SCAMP1: variants seen among roughly 807,000 people sequenced by gnomAD.
SCAMP1 encodes secretory carrier membrane protein 1.
Under a neutral mutation model 41.8 loss-of-function variants are expected in SCAMP1, and 15 were observed. The ratio of observed to expected loss-of-function variants is 0.36; its 90% CI spans 0.24 to 0.55. The LOEUF (loss-of-function observed/expected upper bound fraction) is 0.55, where lower values mean the gene tolerates loss of function less well. SCAMP1 is among the 20% of genes least tolerant of loss of function. The pLI, the probability that SCAMP1 is intolerant of heterozygous loss-of-function variation, is 0.86. For missense variants in SCAMP1, 341 were observed against 412.6 expected (o/e 0.83, Z 1.50); for synonymous variants, 135 against 136.8 (o/e 0.99, Z 0.09).
At position 78,367,246 on chromosome 5, in the gene SCAMP1, C is replaced by G. The variant is rs562908520; in HGVS notation, c.57+6518C>G. 3.3e-5 allele frequency among the ~76,000 whole-genome samples: 5 copies of G among 152,332 alleles called. No individual in the cohort carries two copies. The South Asian group carries it at 6.2e-4, about 19-fold the overall frequency. ...ACCATTATCTTATTTACCACTGTCT[C>G]ACTTATCTGTTGCTATGTAACAATC... On this transcript the variant is annotated intron_variant, in intron 1 of 8. Transcript: ENST00000621999.
chr5:78,391,370 C>A (rs571847578), intron 2 of SCAMP1, among the ~76,000 whole-genome samples: 15 of 151,154 alleles, frequency 9.9e-5, no homozygotes, highest in African/African-American at 3.6e-4. Context: ...GCAGAGGCGC[C>A]CCTCACCTCC....
chr5:78,424,311 T>C (rs1752413744), intron 6 of SCAMP1, among the ~76,000 whole-genome samples: 1 of 152,262 alleles, frequency 6.6e-6, no homozygotes. Flanking sequence ...GGTAAACTCA[T>C]TGTAAAAATC....
At chr5:78,400,844 CTTA>C (rs1008550787) in intron 2 of SCAMP1, among the ~76,000 whole-genome samples, 7 of 151,688 alleles carry the variant, frequency 4.6e-5, no homozygotes, top group African/African-American at 7.3e-5. Flanking sequence ...TTTTTTGGGT[CTTA>C]TTACATTAGT....
intron 5 of SCAMP1, among the ~76,000 whole-genome samples, 182 bp from the exon 6 acceptor site, chr5:78,421,619 G>A (rs773337684): frequency 3.3e-5 from 5 of 152,096 alleles, no homozygotes; most frequent in African/African-American, 7.2e-5. Context: ...GCTTTCCTGT[G>A]TATACTCTGT....
chr5:78,378,326 G>A (rs1169814524), intron 1 of SCAMP1, among the ~76,000 whole-genome samples: 1 of 152,158 alleles, frequency 6.6e-6, no homozygotes, highest in African/African-American at 2.4e-5. Flanking sequence ...AGGAGACTGA[G>A]CTTGATTAGT....
Position 78,475,623 on chromosome 5 carries a change from A to G in SCAMP1, c.972A>G (p.Ala324=). 1 of 1,602,832 alleles carries G rather than the reference A, an allele frequency of 6.2e-7. No homozygotes were observed. The highest frequency in any genetic ancestry group is 8.5e-7 in the Non-Finnish European group (1 of 1,174,194). The change falls in exon 9 of 9, where the codon GCA becomes GCG. Residue 324 remains alanine, a synonymous_variant. Coordinates refer to ENST00000621999, the MANE Select transcript of SCAMP1 (RefSeq NM_004866.6). The part of the protein sequence containing the change: ...QTAAANAAST[A]ASSAAQNAFK... The stretch of plus-strand genomic sequence containing the variant: ...CAGCTGCAAATGCAGCTTCAACTGC[A>G]GCATCTAGTGCAGCTCAGAATGCTT...
intron 2 of SCAMP1, among the ~76,000 whole-genome samples, chr5:78,401,564 G>A (rs1394029472): frequency 5.3e-5 from 8 of 152,090 alleles, no homozygotes; most frequent in Admixed American, 5.2e-4. Flanking sequence ...GTCACAAATT[G>A]CATTTTCCGA....
intron 6 of SCAMP1, among the ~76,000 whole-genome samples, chr5:78,442,552 C>T (rs111334302): frequency 0.033 from 4,963 of 152,274 alleles, 256 homozygotes; most frequent in African/African-American, 0.11. Context: ...AGCCACCGCG[C>T]CCGGCTGAGT....
chr5:78,415,406 G>A (rs1752186644), intron 2 of SCAMP1, 114 bp from the exon 3 acceptor site: 1 of 642,142 alleles, frequency 1.6e-6, no homozygotes, highest in African/African-American at 1.8e-5. Flanking sequence ...GAGAGAGCAG[G>A]GAATGAAGAG....
intron 4 of SCAMP1, among the ~76,000 whole-genome samples, chr5:78,417,011 C>A (rs1752226590): frequency 6.6e-6 from 1 of 152,160 alleles, no homozygotes; most frequent in Non-Finnish European, 1.5e-5. Flanking sequence ...TGACTTTTAC[C>A]TGATTTATTC....
intron 6 of SCAMP1, among the ~76,000 whole-genome samples, chr5:78,428,963 T>TGA (rs1752532337): frequency 1.3e-5 from 2 of 152,138 alleles, no homozygotes; most frequent in East Asian, 3.8e-4. Flanking sequence ...TCTTGTATCA[T>TGA]TCTACCTTGC....
In SCAMP1 at chr5:78,388,560, C is replaced by A. The variant is rs563472146; in HGVS notation, c.58-277C>A. Among the ~76,000 whole-genome samples the A allele has an allele frequency of 1.6e-4, 25 of 152,296 alleles. No individual in the cohort carries two copies. The South Asian group carries it at 4.8e-3, about 29-fold the overall frequency. ...CTTTTGTGTAGTCAGTTCCACACAGCTATTAAGAGGTGGTCTACTTTTTAT... is the reference window on the plus strand; with the variant it reads ...CTTTTGTGTAGTCAGTTCCACACAGATATTAAGAGGTGGTCTACTTTTTAT... On this transcript the variant is annotated intron_variant, in intron 1 of 8. Transcript: ENST00000621999.
At chr5:78,470,205 A>G (rs6453393) in intron 8 of SCAMP1, among the ~76,000 whole-genome samples, 53,023 of 151,880 alleles carry the variant, frequency 0.35, 10,231 homozygotes, top group East Asian at 0.83. Context: ...TTGACATTTT[A>G]ATTACATTTA....
rs1474594061 is a variant in SCAMP1, at chr5:78,475,902, C to T, written c.*234C>T. Reference sequence around the variant, plus strand: ...ATATTACATGCTAAATAAATATTCTCCATATTTTTGGGGGATGACATTCAG... The same window carrying T: ...ATATTACATGCTAAATAAATATTCTTCATATTTTTGGGGGATGACATTCAG... On this transcript the variant is annotated 3_prime_UTR_variant, in exon 9 of 9. Coordinates refer to ENST00000621999, the MANE Select transcript of SCAMP1 (RefSeq NM_004866.6). The T allele has an allele frequency of 8.0e-6, 2 of 249,996 alleles. No homozygotes were observed. Among genetic ancestry groups the T allele is most frequent in the Non-Finnish European group, 1.5e-5 (2 of 131,956 alleles). The allele number at this position is 249,996 out of a possible 1,614,324, so 15.5% of individuals were successfully genotyped here.
intron 2 of SCAMP1, among the ~76,000 whole-genome samples, chr5:78,399,715 G>C (rs1029709194): frequency 6.6e-6 from 1 of 152,166 alleles, no homozygotes; most frequent in African/African-American, 2.4e-5. Flanking sequence ...TTCTTTATCA[G>C]ATGAGAATAT....
At chr5:78,362,020 C>G (rs1469482583) in intron 1 of SCAMP1, among the ~76,000 whole-genome samples, 1 of 152,080 alleles carries the variant, frequency 6.6e-6, no homozygotes, top group African/African-American at 2.4e-5. Flanking sequence ...TTCATTGTCC[C>G]TAATGTCACT....
At chr5:78,455,520 C>T (rs1272698663) in intron 7 of SCAMP1, among the ~76,000 whole-genome samples, 2 of 126,782 alleles carry the variant, frequency 1.6e-5, no homozygotes, top group Admixed American at 7.5e-5. Context: ...ATCCTGAGTT[C>T]TAGTTTGATT....
chr5:78,363,941 G>A (rs1454046552), intron 1 of SCAMP1, among the ~76,000 whole-genome samples: 1 of 152,130 alleles, frequency 6.6e-6, no homozygotes, highest in East Asian at 1.9e-4. Flanking sequence ...TGTAGTGATC[G>A]AAAAGAAAAT....
intron 1 of SCAMP1, among the ~76,000 whole-genome samples, chr5:78,385,084 T>C (rs1040150841): frequency 1.3e-5 from 2 of 150,850 alleles, no homozygotes; most frequent in African/African-American, 5.0e-5. Flanking sequence ...GCCATGGACT[T>C]TTTTTTGTTG....
Sources: gnomAD v4.1 joint callset for allele counts (sites outside exome capture counted in the v4.1 genomes callset) on GRCh38, gnomAD v4.1.1 for gene constraint, MANE v1.5 for transcripts, NCBI Gene and HGNC (gene_info 2026-07-23, HGNC 2026-07-21) for gene names.